Variants in NRG3 observed in about 807,000 individuals in gnomAD.
NRG3 encodes the protein neuregulin 3, also known as pro-neuregulin-3, membrane-bound isoform.
NRG3 carries 31 observed loss-of-function variants against 66.9 expected under a neutral mutation model. The observed-to-expected ratio is 0.46, with a 90% confidence interval of 0.35 to 0.63. The LOEUF is 0.63. Among genes scored for constraint, NRG3 ranks in the 20% least tolerant of loss-of-function variants. The probability of loss-of-function intolerance (pLI) is 0.00; values close to 1 mark genes in which losing one functional copy is unlikely to be tolerated. For synonymous variants in NRG3, 393 were observed against 359.4 expected (o/e 1.09, Z -1.06); for missense variants, 910 against 878.9 (o/e 1.04, Z -0.45).
At chr10:82,648,630 G>A (rs959095355) in intron 2 of NRG3, among the ~76,000 whole-genome samples, 14 of 151,980 alleles carry the variant, frequency 9.2e-5, no homozygotes, top group South Asian at 2.1e-4. Context: ...GATTCTTCCT[G>A]CCCATGAGCA....
chr10:82,727,293 G>A (rs1292752258), intron 2 of NRG3, among the ~76,000 whole-genome samples: 2 of 151,578 alleles, frequency 1.3e-5, no homozygotes, highest in African/African-American at 2.4e-5. Context: ...GATCTTCACG[G>A]CAGCCCCTCC....
intron 4 of NRG3, among the ~76,000 whole-genome samples, chr10:82,868,079 G>A (rs1213258352): frequency 2.0e-5 from 3 of 152,168 alleles, no homozygotes; most frequent in African/African-American, 7.2e-5. Context: ...GGTGGGACTA[G>A]GATAGGTCTA....
rs2132721500 is a variant in NRG3, at chr10:82,986,884, T to A, written c.*1279T>A. On this transcript the variant is annotated 3_prime_UTR_variant, in exon 9 of 9. Coordinates refer to ENST00000372141, the MANE Select transcript of NRG3 (RefSeq NM_001010848.4). ...GGACCAAGGCTTCGGCTTCTGTGGT[T>A]AGTATGGGAAGAATAAATTGTTGAA... The A allele has an allele frequency of 6.6e-6, 1 of 152,332 alleles. No individual in the cohort carries two copies. The highest frequency in any genetic ancestry group is 1.5e-5 in the Non-Finnish European group (1 of 68,038). The allele number at this position is 152,332 out of a possible 1,614,324, so 9.4% of individuals were successfully genotyped here. A position where few individuals can be genotyped will look rare whatever the true frequency, so the allele number is the denominator to read the frequency against.
intron 2 of NRG3, among the ~76,000 whole-genome samples, chr10:82,687,373 C>T (rs1302085506): frequency 6.6e-6 from 1 of 152,078 alleles, no homozygotes; most frequent in Non-Finnish European, 1.5e-5. Flanking sequence ...ATTCTTCATG[C>T]CACCTTTGTT....
intron 1 of NRG3, among the ~76,000 whole-genome samples, chr10:81,927,228 A>T (rs1197786103): frequency 1.3e-5 from 2 of 152,178 alleles, no homozygotes; most frequent in African/African-American, 2.4e-5. Flanking sequence ...TTAGAAAGTA[A>T]ACGCCAAATT....
At chr10:82,052,031 A>ATTTTT (rs34567293) in intron 1 of NRG3, among the ~76,000 whole-genome samples, 2 of 144,782 alleles carry the variant, frequency 1.4e-5, no homozygotes. Context: ...ACCGCATTAG[A>ATTTTT]TTTTTTTTTT....
At chr10:82,383,620 C>T (rs949796409) in intron 2 of NRG3, among the ~76,000 whole-genome samples, 6 of 151,840 alleles carry the variant, frequency 4.0e-5, no homozygotes, top group Non-Finnish European at 7.4e-5. Flanking sequence ...TTATTTTCTC[C>T]TTCACTCAAT....
intron 3 of NRG3, among the ~76,000 whole-genome samples, chr10:82,821,001 G>A (rs971411139): frequency 1.3e-5 from 2 of 152,136 alleles, no homozygotes; most frequent in African/African-American, 4.8e-5. Flanking sequence ...CTAGAGAAAT[G>A]CTTTAATACT....
intron 3 of NRG3, among the ~76,000 whole-genome samples, chr10:82,856,870 A>G (rs7088441): frequency 0.46 from 69,580 of 151,990 alleles, 16,254 homozygotes; most frequent in Non-Finnish European, 0.49. Context: ...ACACATGTGA[A>G]TCTCAAGAGC....
intron 1 of NRG3, among the ~76,000 whole-genome samples, chr10:81,895,674 A>C (rs540543600): frequency 1.3e-5 from 2 of 152,258 alleles, no homozygotes; most frequent in African/African-American, 2.4e-5. Flanking sequence ...TGTGTGTTGT[A>C]GGAAGAGCAG....
chr10:82,340,687 G>A (rs1564812854), intron 1 of NRG3: 2 of 152,110 alleles, frequency 1.3e-5, no homozygotes, highest in Non-Finnish European at 1.5e-5. Flanking sequence ...GTCAAGCACT[G>A]TCTTTATTTT....
intron 3 of NRG3, among the ~76,000 whole-genome samples, chr10:82,847,432 A>G (rs2063355889): frequency 6.6e-6 from 1 of 152,240 alleles, no homozygotes; most frequent in African/African-American, 2.4e-5. Context: ...TTTACAAATT[A>G]CATGCATTTC....
chr10:82,071,325 G>A (rs960998820), intron 1 of NRG3, among the ~76,000 whole-genome samples: 1 of 152,178 alleles, frequency 6.6e-6, no homozygotes, highest in African/African-American at 2.4e-5. Flanking sequence ...GCTGAGCAAG[G>A]ATGGGGATAA....
At chr10:82,445,706 G>C (rs896565493) in intron 2 of NRG3, among the ~76,000 whole-genome samples, 4 of 152,102 alleles carry the variant, frequency 2.6e-5, no homozygotes, top group African/African-American at 9.7e-5. Context: ...TGGGAGCCAG[G>C]TCCTTTTCTC....
chr10:82,963,147 T>C (rs970044137), intron 6 of NRG3, among the ~76,000 whole-genome samples: 2 of 152,126 alleles, frequency 1.3e-5, no homozygotes, highest in African/African-American at 4.8e-5. Flanking sequence ...ACTAGGGGAA[T>C]CTCAAGCCTA....
intron 3 of NRG3, among the ~76,000 whole-genome samples, chr10:82,845,762 C>G (rs1213378654): frequency 6.6e-6 from 1 of 152,054 alleles, no homozygotes; most frequent in Admixed American, 6.6e-5. Context: ...AGATACAACA[C>G]AGTGGATATT....
intron 3 of NRG3, among the ~76,000 whole-genome samples, chr10:82,768,445 T>TA (rs1402441403): frequency 6.6e-6 from 1 of 152,138 alleles, no homozygotes; most frequent in East Asian, 1.9e-4. Context: ...TTTTTATACT[T>TA]ACATTTATTT....
chr10:82,590,058 C>G (rs2046892220), intron 2 of NRG3, among the ~76,000 whole-genome samples: 1 of 152,134 alleles, frequency 6.6e-6, no homozygotes, highest in South Asian at 2.1e-4. Flanking sequence ...TTTTTCAATA[C>G]TTTAATGAGA....
chr10:81,998,843 G>A (rs1462270105), intron 1 of NRG3, among the ~76,000 whole-genome samples: 2 of 152,166 alleles, frequency 1.3e-5, no homozygotes, highest in African/African-American at 4.8e-5. Context: ...AACTTTGTGT[G>A]TGTGTGTCTG....
Sources: allele counts gnomAD v4.1 joint callset (sites outside exome capture counted in the v4.1 genomes callset), GRCh38; gene constraint gnomAD v4.1.1; transcripts MANE v1.5; gene names NCBI Gene and HGNC (gene_info 2026-07-23, HGNC 2026-07-21).